The following CAMK2B variants were observed in gnomAD, a reference collection of about 807,000 sequenced individuals.
The protein encoded by CAMK2B is calcium/calmodulin dependent protein kinase II beta.
A neutral mutation model predicts 93.7 loss-of-function variants in CAMK2B; 27 were observed. The observed-to-expected ratio is 0.29, with a 90% CI of 0.21 to 0.40. The LOEUF (loss-of-function observed/expected upper bound fraction) is 0.40, where lower values mean the gene tolerates loss of function less well. CAMK2B is among the 10% of genes least tolerant of loss of function. The probability of loss-of-function intolerance (pLI) is 1.00; values close to 1 mark genes in which losing one functional copy is unlikely to be tolerated. For synonymous variants in CAMK2B, 374 were observed against 358.8 expected, an observed-to-expected ratio of 1.04 and a Z score of -0.48; for missense variants, 568 against 895.8, an observed-to-expected ratio of 0.63 and a Z score of 4.67.
At chr7:44,290,425 G>A (rs1373710845) in intron 1 of CAMK2B, among the ~76,000 whole-genome samples, 3 of 152,214 alleles carry the variant, frequency 2.0e-5, no homozygotes, top group East Asian at 1.9e-4. Context: ...CTCTCAGGCC[G>A]ACAGCTTTAT....
chr7:44,267,583 C>A (rs1325121785), intron 2 of CAMK2B, among the ~76,000 whole-genome samples: 2 of 152,152 alleles, frequency 1.3e-5, no homozygotes. Context: ...CTGGCCCATT[C>A]AGTGTGGATG....
chr7:44,268,812 G>A (rs566072977), intron 2 of CAMK2B: 1 of 152,458 alleles, frequency 6.6e-6, no homozygotes, highest in Admixed American at 6.5e-5. Flanking sequence ...ACAGCCAAGT[G>A]CAGGAAGAGA....
At chr7:44,243,569 C>A (rs773987072) in intron 6 of CAMK2B, 42 bp from the exon 7 acceptor site, 4 of 1,544,234 alleles carry the variant, frequency 2.6e-6, no homozygotes, top group Non-Finnish European at 3.6e-6. Context: ...GTTGTTTAAA[C>A]CCAGAGGTGT....
Position 44,248,085 on chromosome 7 carries a change from T to C in CAMK2B, c.342-893A>G, listed in dbSNP as rs2096748342. ...CTGCCACATTGGCTGGTGGCTGCCGTGTTGGGTGGCTCAGTTCCAGCAGCA... is the reference window on the plus strand; with the variant it reads ...CTGCCACATTGGCTGGTGGCTGCCGCGTTGGGTGGCTCAGTTCCAGCAGCA... On this transcript the variant is annotated intron_variant, in intron 5 of 23. Transcript: ENST00000395749. This position sits in a 1 kb window ranked among gnomAD's most constrained non-coding sequence, Gnocchi z 4.1. 6.6e-6 allele frequency among the ~76,000 whole-genome samples: 1 copy of C among 151,896 alleles called. No individual in the cohort carries two copies. The highest frequency in any genetic ancestry group is 2.1e-4 in the South Asian group (1 of 4,812).
intron 1 of CAMK2B, among the ~76,000 whole-genome samples, chr7:44,300,938 A>G (rs575896203): frequency 6.6e-6 from 1 of 152,340 alleles, no homozygotes; most frequent in Non-Finnish European, 1.5e-5. Context: ...ACGCTCTCAG[A>G]CTGCAATGGA....
At position 44,220,668 on chromosome 7, in the gene CAMK2B, T is replaced by C. The variant is rs770319649; in HGVS notation, c.1716A>G (p.Ala572=). The C allele has an allele frequency of 1.2e-6, 2 of 1,613,620 alleles. No homozygotes were observed. Among genetic ancestry groups the C allele is most frequent in the Non-Finnish European group, 1.7e-6 (2 of 1,179,958 alleles). The part of the protein sequence containing the change: ...DPGLTSFEPE[A]LGNLVEGMDF... ...CCATCCCTTCAACCAGGTTGCCCAG[T>C]GCTTCAGGCTCAAACGAGGTCAGCC... Residue 572 remains alanine, a synonymous_variant, in exon 22 of 24, where the codon GCA becomes GCG. Transcript: ENST00000395749.
intron 1 of CAMK2B, among the ~76,000 whole-genome samples, chr7:44,287,436 C>T (rs112157303): frequency 5.9e-5 from 9 of 152,324 alleles, no homozygotes; most frequent in African/African-American, 2.2e-4. Flanking sequence ...CTTGGGCTGG[C>T]AGCTGCAGAT....
In CAMK2B at chr7:44,263,075, G is replaced by C. The variant is rs1157607916; in HGVS notation, c.161-11C>G. On this transcript the variant is annotated splice_polypyrimidine_tract_variant and intron_variant, in intron 2 of 23. Coordinates refer to ENST00000395749, the MANE Select transcript of CAMK2B (RefSeq NM_001220.5). ...CCAGCTTCTGGTGATCTGGGGGACA[G>C]GAAAAACAAGGCGTCACCTCCTGCG... 1 of 1,613,040 alleles carries C rather than the reference G, an allele frequency of 6.2e-7. No individual in the cohort carries two copies. Among genetic ancestry groups the C allele is most frequent in the Non-Finnish European group, 8.5e-7 (1 of 1,179,438 alleles).
At chr7:44,285,811 CG>C (rs557158703) in intron 1 of CAMK2B, among the ~76,000 whole-genome samples, 1 of 89,308 alleles carries the variant, frequency 1.1e-5, no homozygotes, top group African/African-American at 4.2e-5. Flanking sequence ...GGAGATGCGG[CG>C]GGGGGGAGGC....
chr7:44,318,966 T>C (rs911489439), intron 1 of CAMK2B, among the ~76,000 whole-genome samples: 2 of 152,240 alleles, frequency 1.3e-5, no homozygotes, highest in African/African-American at 2.4e-5. Context: ...CAACACCACC[T>C]TTCTCTAACA....
intron 1 of CAMK2B, among the ~76,000 whole-genome samples, chr7:44,307,389 GAGAAGA>G (rs1792180006): frequency 7.8e-6 from 1 of 128,678 alleles, no homozygotes; most frequent in Non-Finnish European, 1.7e-5. Context: ...TGTGAGCAGG[GAGAAGA>G]GGGGGTAAGC....
chr7:44,280,948 G>A lies in CAMK2B; in HGVS notation c.160+3183C>T, dbSNP rs2097097315. 3.9e-5 allele frequency among the ~76,000 whole-genome samples: 6 copies of A among 152,354 alleles called. No homozygotes were observed. In the South Asian group the frequency reaches 1.0e-3, roughly 26 times the overall value. ...GATGAGGGGAAGGGGGTGCCTGGAA[G>A]GCTCCAACATGAAGTGTTTGAGGTT... On this transcript the variant is annotated intron_variant, in intron 2 of 23. Transcript: ENST00000395749.
chr7:44,232,951 G>C, intron 15 of CAMK2B, 85 bp from the exon 16 acceptor site: 1 of 1,224,442 alleles, frequency 8.2e-7, no homozygotes, highest in South Asian at 1.2e-5. Flanking sequence ...GGGGAACAGG[G>C]AGACAGAGGA....
chr7:44,293,007 C>T (rs150521772), intron 1 of CAMK2B, among the ~76,000 whole-genome samples: 2 of 152,336 alleles, frequency 1.3e-5, no homozygotes, highest in Admixed American at 6.5e-5. Flanking sequence ...CGAGAAAACC[C>T]AGCAGAGCAC....
At chr7:44,238,065 C>T (rs1207935525) in intron 13 of CAMK2B, among the ~76,000 whole-genome samples, 1 of 152,240 alleles carries the variant, frequency 6.6e-6, no homozygotes, top group Admixed American at 6.5e-5. Context: ...GTACTAGACT[C>T]AGCTGCCATT....
rs539482901 is a variant in CAMK2B, at chr7:44,284,070, G to C, written c.160+61C>G. On this transcript the variant is annotated intron_variant, in intron 2 of 23. Transcript: ENST00000395749. ...GCCTGCTGCCCAGTCCACAGGGCAC[G>C]GCCTCCAAAGCCCCTGCCCCAGCCT... The C allele has an allele frequency of 2.7e-4, 349 of 1,282,260 alleles. 1 individual carries two copies. The highest frequency in any genetic ancestry group is 8.3e-4 in the Admixed American group (48 of 57,498). The allele number at this position is 1,282,260 out of a possible 1,614,324, so 79.4% of individuals were successfully genotyped here. A position where few individuals can be genotyped will look rare whatever the true frequency, so the allele number is the denominator to read the frequency against.
At chr7:44,238,058 C>A (rs1344068923) in intron 13 of CAMK2B, among the ~76,000 whole-genome samples, 1 of 152,226 alleles carries the variant, frequency 6.6e-6, no homozygotes, top group African/African-American at 2.4e-5. Context: ...CTGGATGGTA[C>A]TAGACTCAGC....
chr7:44,243,096 G>C (rs1242684962), intron 8 of CAMK2B, among the ~76,000 whole-genome samples, 154 bp downstream of exon 8: 1 of 152,220 alleles, frequency 6.6e-6, no homozygotes, highest in Non-Finnish European at 1.5e-5. Context: ...TGGCTGTGTG[G>C]GCAGACCCCT....
At position 44,242,359 on chromosome 7, in the gene CAMK2B, C is replaced by A. The variant is rs1196874836; in HGVS notation, c.697-19G>T. On this transcript the variant is annotated intron_variant, in intron 9 of 23. Coordinates refer to ENST00000395749, the MANE Select transcript of CAMK2B (RefSeq NM_001220.5). ...ACGGGAACTGCAGAAGGAAACAGCG[C>A]CCCGGCCGGGCCTGAAGCTCCCTCT... is the stretch of plus-strand genomic sequence containing the variant. 6.2e-7 allele frequency: 1 copy of A among 1,608,600 alleles called. No individual in the cohort carries two copies. The highest frequency in any genetic ancestry group is 8.5e-7 in the Non-Finnish European group (1 of 1,176,936).
Sources: allele counts gnomAD v4.1 joint callset (sites outside exome capture counted in the v4.1 genomes callset), GRCh38; gene constraint gnomAD v4.1.1; non-coding constraint Gnocchi (gnomAD v3.1); transcripts MANE v1.5; gene names NCBI Gene and HGNC (gene_info 2026-07-23, HGNC 2026-07-21).